Variants in GRID2 observed in about 807,000 individuals in gnomAD.
GRID2 encodes glutamate ionotropic receptor delta type subunit 2, also known as glutamate receptor ionotropic, delta-2.
Under a neutral mutation model 114.8 loss-of-function variants are expected in GRID2, and 33 were observed. The observed-to-expected ratio is 0.29, with a 90% confidence interval of 0.22 to 0.38. GRID2 has a LOEUF of 0.38. Among genes scored for constraint, GRID2 ranks in the 10% least tolerant of loss-of-function variants. The pLI is 1.00. For missense variants in GRID2, 1,184 were observed against 1,257.7 expected (o/e 0.94, Z 0.89); for synonymous variants, 505 against 449.9 (o/e 1.12, Z -1.55).
At chr4:92,466,014 T>C (rs1721733518) in intron 1 of GRID2, among the ~76,000 whole-genome samples, 1 of 151,782 alleles carries the variant, frequency 6.6e-6, no homozygotes. Context: ...AATTGACATA[T>C]AATAATTGCA....
At chr4:93,563,800 G>T (rs1270186069) in intron 13 of GRID2, among the ~76,000 whole-genome samples, 1 of 151,888 alleles carries the variant, frequency 6.6e-6, no homozygotes. Context: ...AAAAGTTTTT[G>T]TTGGATTCTA....
At chr4:92,500,829 C>T (rs1723647226) in intron 1 of GRID2, among the ~76,000 whole-genome samples, 1 of 152,088 alleles carries the variant, frequency 6.6e-6, no homozygotes, top group African/African-American at 2.4e-5. Flanking sequence ...GCCATAAAAA[C>T]CACTAGGTCT....
At chr4:93,090,033 G>A (rs190152230) in intron 3 of GRID2, among the ~76,000 whole-genome samples, 111 of 152,236 alleles carry the variant, frequency 7.3e-4, no homozygotes, top group African/African-American at 2.6e-3. Context: ...AGTAACACAG[G>A]AGACCTATGG....
At chr4:93,502,757 G>A (rs910809076) in intron 12 of GRID2, among the ~76,000 whole-genome samples, 3 of 117,622 alleles carry the variant, frequency 2.6e-5, no homozygotes, top group East Asian at 5.9e-4. Flanking sequence ...ACACACACAC[G>A]TACTACAGCC....
intron 2 of GRID2, among the ~76,000 whole-genome samples, chr4:92,949,420 C>A (rs189430088): frequency 2.6e-5 from 4 of 151,976 alleles, no homozygotes; most frequent in African/African-American, 9.6e-5. Flanking sequence ...AGTAACTCAT[C>A]GTTTAACATT....
intron 8 of GRID2, among the ~76,000 whole-genome samples, chr4:93,283,315 T>G (rs1752838662): frequency 6.6e-6 from 1 of 152,010 alleles, no homozygotes; most frequent in South Asian, 2.1e-4. Flanking sequence ...TTGATCAAAG[T>G]TGCTTTTAAA....
chr4:93,315,554 TTG>T (rs1168657723), intron 8 of GRID2, among the ~76,000 whole-genome samples: 3 of 152,108 alleles, frequency 2.0e-5, no homozygotes, highest in Non-Finnish European at 4.4e-5. Flanking sequence ...TTATTATTGT[TTG>T]TCTCATTTCC....
intron 13 of GRID2, among the ~76,000 whole-genome samples, chr4:93,561,918 C>T (rs1734961862): frequency 6.6e-6 from 1 of 152,058 alleles, no homozygotes; most frequent in African/African-American, 2.4e-5. Context: ...GTTTATTTAT[C>T]TATTAGCCTA....
chr4:92,588,099 C>T (rs1468633240), intron 1 of GRID2, among the ~76,000 whole-genome samples: 1 of 151,942 alleles, frequency 6.6e-6, no homozygotes, highest in Non-Finnish European at 1.5e-5. Context: ...ATATCTAAAC[C>T]TGAGAGTATT....
intron 13 of GRID2, among the ~76,000 whole-genome samples, chr4:93,524,815 GTATGTATGTATATATATATATATATA>G (rs1730702466): frequency 2.0e-5 from 1 of 49,260 alleles, no homozygotes; most frequent in African/African-American, 1.5e-4. Flanking sequence ...ATATATATAT[GTATGTATGTATATATATATATATATA>G]TATATATATG....
In GRID2 at chr4:93,218,067, C is replaced by T. The variant is rs1353811629; in HGVS notation, c.963+1156C>T. ...ACCCCACAACCTCCCTATCCTTAGT[C>T]ACCTTTGAATTTTTAAAAAAGGATT... On this transcript the variant is annotated intron_variant, in intron 6 of 15. Coordinates refer to ENST00000282020, the MANE Select transcript of GRID2 (RefSeq NM_001510.4). Among the ~76,000 whole-genome samples the T allele has an allele frequency of 2.0e-5, 3 of 151,848 alleles. No individual in the cohort carries two copies. In the East Asian group the frequency reaches 5.8e-4, roughly 29 times the overall value.
Position 92,878,980 on chromosome 4 carries a change from A to G in GRID2, c.245-206015A>G, listed in dbSNP as rs189037040. ...TTGCTGCTCACCAAGCTTTGAGGGA[A>G]ATGGCATCATTTTAAATTAATTACT... On this transcript the variant is annotated intron_variant, in intron 2 of 15. Coordinates refer to ENST00000282020, the MANE Select transcript of GRID2 (RefSeq NM_001510.4). Among the ~76,000 whole-genome samples the G allele has an allele frequency of 2.0e-5, 3 of 152,236 alleles. No individual in the cohort carries two copies. In the East Asian group the frequency reaches 5.8e-4, roughly 29 times the overall value.
At position 92,860,974 on chromosome 4, in the gene GRID2, A is replaced by C. The variant is rs1364156262; in HGVS notation, c.245-224021A>C. The stretch of plus-strand genomic sequence containing the variant: ...ATAAAGACACTTAATGAGATAATAT[A>C]ATATGTTAAGTTTAAATAAAGTTAT... On this transcript the variant is annotated intron_variant, in intron 2 of 15. Coordinates refer to ENST00000282020, the MANE Select transcript of GRID2 (RefSeq NM_001510.4). 2.6e-5 allele frequency among the ~76,000 whole-genome samples: 4 copies of C among 152,196 alleles called. 1 individual carries two copies. Among genetic ancestry groups the C allele is most frequent in the African/African-American group, 9.6e-5 (4 of 41,570 alleles).
At chr4:93,330,122 CG>C (rs776121279) in intron 8 of GRID2, among the ~76,000 whole-genome samples, 19 of 152,164 alleles carry the variant, frequency 1.2e-4, no homozygotes, top group South Asian at 2.1e-4. Context: ...AATATTTAAT[CG>C]CATTAGGTTT....
In GRID2 at chr4:93,065,262, A is replaced by G. The variant is rs72885770; in HGVS notation, c.245-19733A>G. On this transcript the variant is annotated intron_variant, in intron 2 of 15. Transcript: ENST00000282020. Reference sequence around the variant, plus strand: ...AGAGATTATATTTAAAAGTTATCTCATTTAAATTCTGATTAAAAAACCAGA... The same window carrying G: ...AGAGATTATATTTAAAAGTTATCTCGTTTAAATTCTGATTAAAAAACCAGA... Among the ~76,000 whole-genome samples, 530 of 151,998 alleles carry G rather than the reference A, an allele frequency of 3.5e-3. 3 individuals carry two copies. The highest frequency in any genetic ancestry group is 0.012 in the African/African-American group (489 of 41,540).
At chr4:93,557,938 T>G (rs182286511) in intron 13 of GRID2, among the ~76,000 whole-genome samples, 86 of 152,258 alleles carry the variant, frequency 5.6e-4, no homozygotes, top group African/African-American at 1.9e-3. Flanking sequence ...AGAAACTCAC[T>G]CAAAACTACA....
chr4:92,403,994 G>T (rs907751322), intron 1 of GRID2, among the ~76,000 whole-genome samples: 4 of 152,004 alleles, frequency 2.6e-5, no homozygotes, highest in Admixed American at 2.6e-4. Flanking sequence ...ACTAATCACA[G>T]ATTAACATAA....
rs202170394 is a variant in GRID2, at chr4:93,601,781, G to GA, written c.2194-24482dup. On this transcript the variant is annotated intron_variant, in intron 13 of 15. Transcript: ENST00000282020. ...TATAGAATTTTTTCCACATTGATGA[G>GA]AAAAAATACTGATTCTCTGGCTTCT... Among the ~76,000 whole-genome samples the GA allele has an allele frequency of 8.5e-3, 1,295 of 152,060 alleles. 16 individuals carry two copies. Among genetic ancestry groups the GA allele is most frequent in the African/African-American group, 0.028 (1,152 of 41,472 alleles).
At chr4:93,643,683 G>C (rs1721824597) in intron 14 of GRID2, among the ~76,000 whole-genome samples, 1 of 58,740 alleles carries the variant, frequency 1.7e-5, no homozygotes, top group Admixed American at 1.4e-4. Flanking sequence ...CAGATCTCCA[G>C]CTGCTTGCTG....
Sources: gnomAD v4.1 joint callset for allele counts (sites outside exome capture counted in the v4.1 genomes callset) on GRCh38, gnomAD v4.1.1 for gene constraint, MANE v1.5 for transcripts, NCBI Gene and HGNC (gene_info 2026-07-23, HGNC 2026-07-21) for gene names.